The following HIVEP2 variants were observed in gnomAD, a reference collection of about 807,000 sequenced individuals.
HIVEP2 encodes the protein HIVEP zinc finger 2.
A neutral mutation model predicts 180.7 loss-of-function variants in HIVEP2; 14 were observed. The ratio of observed to expected loss-of-function variants is 0.08; its 90% confidence interval spans 0.05 to 0.12. HIVEP2 has a LOEUF of 0.12. Ranked by LOEUF, HIVEP2 falls within the 10% of genes least tolerant of loss-of-function variation. HIVEP2 has a pLI of 1.00. For synonymous variants in HIVEP2, 1,184 were observed against 1,136.4 expected, an observed-to-expected ratio of 1.04 and a Z score of -0.84; for missense variants, 2,579 against 3,008.5, an observed-to-expected ratio of 0.86 and a Z score of 3.34.
chr6:142,801,994 G>A (rs1275663617), intron 2 of HIVEP2, among the ~76,000 whole-genome samples: 1 of 152,078 alleles, frequency 6.6e-6, no homozygotes. Context: ...TTAATCTGTA[G>A]ACTGGAGTAT....
At chr6:142,930,939 A>G (rs998291198) in intron 1 of HIVEP2, among the ~76,000 whole-genome samples, 1 of 152,224 alleles carries the variant, frequency 6.6e-6, no homozygotes, top group African/African-American at 2.4e-5. Context: ...TCTAAAATGT[A>G]TTTATTTCCA....
chr6:142,827,146 C>T (rs981163444), intron 2 of HIVEP2, among the ~76,000 whole-genome samples: 3 of 151,786 alleles, frequency 2.0e-5, no homozygotes, highest in Admixed American at 2.0e-4. Flanking sequence ...TTTAAAATAC[C>T]CCTTTGTAAT....
chr6:142,774,493 C>T lies in HIVEP2; in HGVS notation c.246G>A (p.Lys82=), dbSNP rs569113955. 3.4e-5 allele frequency: 55 copies of T among 1,614,146 alleles called. 2 individuals are homozygous for T. The South Asian group carries it at 5.5e-4, about 16-fold the overall frequency. ...PSEVVQQVAE[K]QYPPHRPSPY... is the part of the protein sequence containing the mutation. ...GACTCGGACGATGCGGTGGATATTG[C>T]TTCTCTGCGACTTGCTGCACCACTT... The change falls in exon 5 of 10, where the codon AAG becomes AAA. Residue 82 remains lysine (K), a synonymous_variant. Coordinates refer to ENST00000367603, the MANE Select transcript of HIVEP2 (RefSeq NM_006734.4). The surrounding 1 kb of genome is among the most constrained non-coding windows in gnomAD (Gnocchi z 5.1).
chr6:142,770,715 C>T lies in HIVEP2; in HGVS notation c.4024G>A (p.Val1342Ile), dbSNP rs760320989. Residue 1342 changes from valine to isoleucine, a missense_variant, in exon 5 of 10, where the codon GTA (valine) becomes ATA (isoleucine). By Grantham distance (29) the Val-to-Ile change is conservative. Transcript: ENST00000367603. The surrounding 1 kb of genome is among the most constrained non-coding windows in gnomAD (Gnocchi z 4.7). Reference sequence around the variant, plus strand: ...TACATGACACTTCCATAGGATGGTACGTGCGTCTGGATCCGAACAGGAACC... The same window carrying T: ...TACATGACACTTCCATAGGATGGTATGTGCGTCTGGATCCGAACAGGAACC... ...TVVPVRIQTH[V>I]PSYGSVMYTS... 32 of 1,614,050 alleles carry T rather than the reference C, an allele frequency of 2.0e-5. No individual in the cohort carries two copies. The highest frequency in any genetic ancestry group is 8.9e-5 in the East Asian group (4 of 44,902).
At chr6:142,883,720 C>A (rs1365457178) in intron 1 of HIVEP2, among the ~76,000 whole-genome samples, 1 of 152,080 alleles carries the variant, frequency 6.6e-6, no homozygotes, top group African/African-American at 2.4e-5. Context: ...AGGAAAAGTA[C>A]AATGAAATCG....
intron 2 of HIVEP2, among the ~76,000 whole-genome samples, chr6:142,819,270 G>A (rs914112016): frequency 6.6e-6 from 1 of 152,020 alleles, no homozygotes; most frequent in African/African-American, 2.4e-5. Flanking sequence ...AAATGCTTGG[G>A]GTTCAAGGTC....
chr6:142,823,400 C>T (rs1777094309), intron 2 of HIVEP2, among the ~76,000 whole-genome samples: 1 of 152,194 alleles, frequency 6.6e-6, no homozygotes, highest in African/African-American at 2.4e-5. Flanking sequence ...CTCTTTGCAC[C>T]AGTCAAAGAG....
intron 1 of HIVEP2, among the ~76,000 whole-genome samples, chr6:142,875,221 G>A (rs1776402955): frequency 6.6e-6 from 1 of 152,152 alleles, no homozygotes; most frequent in Non-Finnish European, 1.5e-5. Context: ...GGATATGCAG[G>A]TAAAAAGCAC....
In HIVEP2 at chr6:142,850,589, G is replaced by A. The variant is rs998011161; in HGVS notation, c.-640-13542C>T. On this transcript the variant is annotated intron_variant, in intron 1 of 9. Transcript: ENST00000367603. ...CAATGCAATAATAACAACTTCCACT[G>A]AAAAATATCAAAACTAAGTTTAAAT... Among the ~76,000 whole-genome samples the A allele has an allele frequency of 3.3e-5, 5 of 152,280 alleles. No homozygotes were observed. In the East Asian group the frequency reaches 9.6e-4, roughly 29 times the overall value.
chr6:142,789,008 A>C (rs977570722), intron 2 of HIVEP2, among the ~76,000 whole-genome samples: 1 of 152,194 alleles, frequency 6.6e-6, no homozygotes, highest in African/African-American at 2.4e-5. Context: ...ATAAAAATAC[A>C]AGACTCTACC....
chr6:142,833,762 A>T (rs1775154569), intron 2 of HIVEP2, among the ~76,000 whole-genome samples: 1 of 152,208 alleles, frequency 6.6e-6, no homozygotes, highest in Non-Finnish European at 1.5e-5. Flanking sequence ...GGCTCCACTC[A>T]CCTAAGCTAG....
chr6:142,913,282 C>G (rs1039772970), intron 1 of HIVEP2, among the ~76,000 whole-genome samples: 5 of 152,206 alleles, frequency 3.3e-5, no homozygotes, highest in Non-Finnish European at 7.3e-5. Flanking sequence ...TTCTGAAACA[C>G]GAAAAACGTA....
chr6:142,773,289 C>T lies in HIVEP2; in HGVS notation c.1450G>A (p.Asp484Asn). 3 of 1,614,200 alleles carry T rather than the reference C, an allele frequency of 1.9e-6. No individual in the cohort carries two copies. In the South Asian group the frequency reaches 3.3e-5, roughly 18 times the overall value. Residue 484 changes from aspartate (D) to asparagine (N), a missense_variant, in exon 5 of 10, where the codon GAT becomes AAT. Asp to Asn is a conservative substitution (Grantham distance 23). Transcript: ENST00000367603. ...PVSQLIPSKG[D>N]VDPSQTSMLK... ...ATGCTCGTTTGACTGGGGTCGACAT[C>T]TCCCTTGCTTGGGATCAGCTGTGAA... is the stretch of plus-strand genomic sequence containing the variant.
intron 1 of HIVEP2, among the ~76,000 whole-genome samples, chr6:142,873,742 G>A (rs1776357516): frequency 1.3e-5 from 2 of 152,174 alleles, no homozygotes; most frequent in Middle Eastern, 3.4e-3. Flanking sequence ...TGGCCCATGG[G>A]AATTTTAAGA....
chr6:142,824,439 T>C (rs1774810062), intron 2 of HIVEP2, among the ~76,000 whole-genome samples: 1 of 152,194 alleles, frequency 6.6e-6, no homozygotes, highest in Non-Finnish European at 1.5e-5. Flanking sequence ...TCTGTGCAAA[T>C]AAAGATTTTA....
intron 3 of HIVEP2, among the ~76,000 whole-genome samples, chr6:142,777,648 C>CAAAAAAAAAAAAAAAAAAAAA (rs58304452): frequency 3.6e-5 from 1 of 27,674 alleles, no homozygotes; most frequent in Non-Finnish European, 5.7e-5. Context: ...AACTCCATCT[C>CAAAAAAAAAAAAAAAAAAAAA]AAAAAAAAAA....
intron 3 of HIVEP2, among the ~76,000 whole-genome samples, chr6:142,778,148 T>A (rs868619298): frequency 4.6e-5 from 7 of 152,244 alleles, no homozygotes; most frequent in South Asian, 4.1e-4. Flanking sequence ...CTCAGTTTGC[T>A]AAAAAGTTTT....
At chr6:142,868,004 T>G (rs1025907940) in intron 1 of HIVEP2, among the ~76,000 whole-genome samples, 1 of 152,164 alleles carries the variant, frequency 6.6e-6, no homozygotes, top group African/African-American at 2.4e-5. Flanking sequence ...ATTTTATACC[T>G]CTAATCTGGC....
In HIVEP2 at chr6:142,796,797, G is replaced by C. The variant is rs185867305; in HGVS notation, c.-527-13182C>G. Among the ~76,000 whole-genome samples, 106 of 152,226 alleles carry C rather than the reference G, an allele frequency of 7.0e-4. 3 individuals are homozygous for C. The South Asian group carries it at 0.021, about 30-fold the overall frequency. On this transcript the variant is annotated intron_variant, in intron 2 of 9. Transcript: ENST00000367603. ...ACCAGGAGAGATCACTTTTTATTGC[G>C]TCTGCACTTTGCTGGCCGACAAACC...
Sources: allele counts gnomAD v4.1 joint callset (sites outside exome capture counted in the v4.1 genomes callset), GRCh38; gene constraint gnomAD v4.1.1; non-coding constraint Gnocchi (gnomAD v3.1); transcripts MANE v1.5; gene names NCBI Gene and HGNC (gene_info 2026-07-23, HGNC 2026-07-21).